The following XRCC5 variants were observed in gnomAD, a reference collection of about 807,000 sequenced individuals.
XRCC5 encodes DNA repair protein Ku80.
A neutral mutation model predicts 95.7 loss-of-function variants in XRCC5; 12 were observed. The observed-to-expected ratio is 0.13, with a 90% CI of 0.08 to 0.20. The LOEUF (loss-of-function observed/expected upper bound fraction) is 0.20, where lower values mean the gene tolerates loss of function less well. Ranked by LOEUF, XRCC5 falls within the 10% of genes least tolerant of loss-of-function variation. The pLI is 1.00. For synonymous variants in XRCC5, 281 were observed against 290.3 expected, an observed-to-expected ratio of 0.97 and a Z score of 0.33; for missense variants, 595 against 873.9, an observed-to-expected ratio of 0.68 and a Z score of 4.02.
chr2:216,159,974 CT>C (rs58550995), intron 14 of XRCC5, 93 bp from the exon 15 acceptor site: 238,005 of 471,038 alleles, frequency 0.51, 35,840 homozygotes, highest in African/African-American at 0.68. Flanking sequence ...CTTCTTTTTT[CT>C]TTTTTTTTTT....
At chr2:216,180,296 G>T (rs1161659215) in intron 16 of XRCC5, among the ~76,000 whole-genome samples, 2 of 152,216 alleles carry the variant, frequency 1.3e-5, no homozygotes, top group African/African-American at 4.8e-5. Context: ...CAGACTATAT[G>T]GGTGCAGATG....
At position 216,137,069 on chromosome 2, in the gene XRCC5, C is replaced by G. The variant is rs376207725; in HGVS notation, c.1114-19C>G. On this transcript the variant is annotated intron_variant, in intron 10 of 20. Coordinates refer to ENST00000392132, the MANE Select transcript of XRCC5 (RefSeq NM_021141.4). ...CTCACATGTTGAATATGTGTTAATACATCCATCTTTCTTACCAGGCAGCTG... is the reference window on the plus strand; with the variant it reads ...CTCACATGTTGAATATGTGTTAATAGATCCATCTTTCTTACCAGGCAGCTG... 1 of 1,610,336 alleles carries G rather than the reference C, an allele frequency of 6.2e-7. No individual in the cohort carries two copies. Among genetic ancestry groups the G allele is most frequent in the Non-Finnish European group, 8.5e-7 (1 of 1,178,242 alleles).
At chr2:216,187,855 T>TC (rs1689533744) in intron 16 of XRCC5, among the ~76,000 whole-genome samples, 3 of 128,678 alleles carry the variant, frequency 2.3e-5, no homozygotes, top group African/African-American at 1.0e-4. Flanking sequence ...TCTCTCTCTC[T>TC]CTCTCTCCCC....
intron 16 of XRCC5, among the ~76,000 whole-genome samples, chr2:216,169,084 C>T (rs1019729556): frequency 1.3e-5 from 2 of 152,246 alleles, no homozygotes; most frequent in African/African-American, 4.8e-5. Context: ...TATTCAAAGG[C>T]TGGGAAACAT....
chr2:216,119,250 T>G (rs1294886276), intron 5 of XRCC5, 85 bp downstream of exon 5: 15 of 1,491,288 alleles, frequency 1.0e-5, no homozygotes, highest in Non-Finnish European at 1.4e-5. Flanking sequence ...GTACTTGGTT[T>G]ATGGGAATTT....
chr2:216,121,838 T>G (rs575505985), intron 5 of XRCC5, among the ~76,000 whole-genome samples: 8 of 152,302 alleles, frequency 5.3e-5, no homozygotes, highest in African/African-American at 1.9e-4. Flanking sequence ...ACCCTGCCCT[T>G]TCAGTTACTT....
chr2:216,200,436 G>T (rs1689815046), intron 19 of XRCC5, among the ~76,000 whole-genome samples: 1 of 152,076 alleles, frequency 6.6e-6, no homozygotes, highest in Admixed American at 6.5e-5. Context: ...GGTGTAGTTT[G>T]CTAGTACAAG....
chr2:216,135,484 G>C (rs1697059888), intron 10 of XRCC5, among the ~76,000 whole-genome samples: 1 of 152,126 alleles, frequency 6.6e-6, no homozygotes, highest in South Asian at 2.1e-4. Context: ...AGATGGATTT[G>C]AGAGACAGTA....
At chr2:216,190,401 C>A in intron 17 of XRCC5, 67 bp downstream of exon 17, 2 of 1,383,716 alleles carry the variant, frequency 1.4e-6, no homozygotes, top group Non-Finnish European at 2.0e-6. Flanking sequence ...AAGAGGCATA[C>A]AGCATCCTGG....
intron 3 of XRCC5, 117 bp downstream of exon 3, chr2:216,116,959 C>G: frequency 8.6e-7 from 1 of 1,165,782 alleles, no homozygotes; most frequent in Non-Finnish European, 1.2e-6. Context: ...ATATTTTGCT[C>G]TGAGGAGGGG....
chr2:216,189,309 A>G (rs918652522), intron 16 of XRCC5, among the ~76,000 whole-genome samples: 1 of 152,230 alleles, frequency 6.6e-6, no homozygotes, highest in South Asian at 2.1e-4. Flanking sequence ...AGCCACAGCT[A>G]GTGAATGGTT....
chr2:216,163,749 G>GTCC (rs1688998018), intron 16 of XRCC5, among the ~76,000 whole-genome samples: 1 of 152,198 alleles, frequency 6.6e-6, no homozygotes, highest in African/African-American at 2.4e-5. Context: ...GCCTCAGAGA[G>GTCC]AGCTTACAGT....
At chr2:216,191,246 G>A (rs1689607239) in intron 17 of XRCC5, among the ~76,000 whole-genome samples, 1 of 152,052 alleles carries the variant, frequency 6.6e-6, no homozygotes, top group South Asian at 2.1e-4. Context: ...CCCAGGCTAG[G>A]TGGAGTGTCT....
chr2:216,120,184 G>A (rs1696779677), intron 5 of XRCC5, among the ~76,000 whole-genome samples: 2 of 152,298 alleles, frequency 1.3e-5, no homozygotes, highest in South Asian at 4.1e-4. Context: ...GAAATTAAGT[G>A]CTTTTAAGTG....
In XRCC5 at chr2:216,137,179, A is replaced by G; in HGVS notation, c.1205A>G (p.Asn402Ser). Residue 402 changes from asparagine to serine, a missense_variant, in exon 11 of 21, where the codon AAT becomes AGT. Physicochemically the swap from Asn to Ser is conservative, Grantham distance 46. Coordinates refer to ENST00000392132, the MANE Select transcript of XRCC5 (RefSeq NM_021141.4). ...IVRYAYDKRA[N>S]PQVGVAFPHI... ...CGATATGCTTATGACAAAAGAGCTAATCCTCAAGTCGGCGTGGCTTTTCCT... is the reference window on the plus strand; with the variant it reads ...CGATATGCTTATGACAAAAGAGCTAGTCCTCAAGTCGGCGTGGCTTTTCCT... 1.9e-6 allele frequency: 3 copies of G among 1,613,748 alleles called. No individual in the cohort carries two copies. The highest frequency in any genetic ancestry group is 2.5e-6 in the Non-Finnish European group (3 of 1,179,772).
At chr2:216,158,087 C>CT (rs1688880643) in intron 14 of XRCC5, among the ~76,000 whole-genome samples, 1 of 152,168 alleles carries the variant, frequency 6.6e-6, no homozygotes, top group Non-Finnish European at 1.5e-5. Context: ...TCTGTTTACC[C>CT]TTCTTTCCCT....
At chr2:216,157,307 C>T (rs1459254814) in intron 14 of XRCC5, among the ~76,000 whole-genome samples, 3 of 151,632 alleles carry the variant, frequency 2.0e-5, no homozygotes. Context: ...CATTGTGGCT[C>T]ACTGCAAGCT....
intron 16 of XRCC5, among the ~76,000 whole-genome samples, chr2:216,182,605 C>T (rs975086555): frequency 6.6e-6 from 1 of 152,170 alleles, no homozygotes; most frequent in African/African-American, 2.4e-5. Flanking sequence ...ACAACACATT[C>T]TTTCAGGCAT....
chr2:216,133,121 T>C (rs1697020526), intron 10 of XRCC5, among the ~76,000 whole-genome samples: 1 of 151,890 alleles, frequency 6.6e-6, no homozygotes, highest in Admixed American at 6.6e-5. Flanking sequence ...AGCTGGTTGC[T>C]GATATAGTGG....
Sources: gnomAD v4.1 joint callset for allele counts (sites outside exome capture counted in the v4.1 genomes callset) on GRCh38, gnomAD v4.1.1 for gene constraint, MANE v1.5 for transcripts, NCBI Gene and HGNC (gene_info 2026-07-23, HGNC 2026-07-21) for gene names.